The following CYP2C8 variants were observed in gnomAD, a reference collection of about 807,000 sequenced individuals.
The protein encoded by CYP2C8 is cytochrome P450 family 2 subfamily C member 8.
Under a neutral mutation model 41.3 loss-of-function variants are expected in CYP2C8, and 51 were observed. The ratio of observed to expected loss-of-function variants is 1.24; its 90% CI spans 0.99 to 1.56. CYP2C8 has a LOEUF of 1.56. Among genes scored for constraint, CYP2C8 ranks in the 40% most tolerant of loss-of-function variants. The probability of loss-of-function intolerance (pLI) is 0.00; values close to 1 mark genes in which losing one functional copy is unlikely to be tolerated. For synonymous variants in CYP2C8, 218 were observed against 205.8 expected (o/e 1.06, Z -0.51); for missense variants, 651 against 579.9 (o/e 1.12, Z -1.26).
intron 7 of CYP2C8, among the ~76,000 whole-genome samples, chr10:95,039,542 A>G (rs2032955664): frequency 1.3e-5 from 2 of 152,254 alleles, no homozygotes; most frequent in African/African-American, 2.4e-5. Context: ...GCCATGCTAC[A>G]GATTAATTTT....
In CYP2C8 at chr10:95,058,541, C is replaced by T. The variant is rs2033357346; in HGVS notation, c.643-30G>A. ...AAGAGAAAAGAATATTAAATATAAA[C>T]ATGTCATAAGATATATGTATCTTAC... On this transcript the variant is annotated intron_variant, in intron 4 of 8. Coordinates refer to ENST00000371270, the MANE Select transcript of CYP2C8 (RefSeq NM_000770.3). The T allele has an allele frequency of 1.9e-6, 3 of 1,559,004 alleles. No homozygotes were observed. The East Asian group carries it at 7.1e-5, about 37-fold the overall frequency.
intron 5 of CYP2C8, among the ~76,000 whole-genome samples, chr10:95,047,010 C>T (rs1007891702): frequency 2.2e-4 from 33 of 152,090 alleles, no homozygotes; most frequent in African/African-American, 7.2e-4. Flanking sequence ...CATTATTTCC[C>T]TTGATGTTAT....
chr10:95,059,971 T>C (rs2033391322), intron 4 of CYP2C8, among the ~76,000 whole-genome samples: 1 of 152,152 alleles, frequency 6.6e-6, no homozygotes, highest in Non-Finnish European at 1.5e-5. Context: ...TGGTATTATT[T>C]CTGAGGGCTC....
At chr10:95,057,002 G>A (rs902325256) in intron 5 of CYP2C8, among the ~76,000 whole-genome samples, 1 of 152,134 alleles carries the variant, frequency 6.6e-6, no homozygotes, top group Non-Finnish European at 1.5e-5. Flanking sequence ...GAGAGTAGAA[G>A]CTCAGGGCAG....
At chr10:95,057,882 A>G (rs1173551068) in intron 5 of CYP2C8, among the ~76,000 whole-genome samples, 1 of 152,116 alleles carries the variant, frequency 6.6e-6, no homozygotes, top group Admixed American at 6.6e-5. Context: ...CAAACTACTC[A>G]TTCCATCTGA....
At chr10:95,040,880 G>C (rs1185244773) in intron 7 of CYP2C8, 1 of 455,758 alleles carries the variant, frequency 2.2e-6, no homozygotes, top group South Asian at 1.6e-5. Flanking sequence ...GGAAGGAAGG[G>C]AAAGCAATAA....
At chr10:95,040,977 G>T (rs2032982459) in intron 7 of CYP2C8, 1 of 456,068 alleles carries the variant, frequency 2.2e-6, no homozygotes, top group Non-Finnish European at 4.4e-6. Flanking sequence ...AGAAAATTTT[G>T]AGGAAGAAAA....
intron 7 of CYP2C8, among the ~76,000 whole-genome samples, chr10:95,041,608 C>T (rs923174701): frequency 6.0e-5 from 9 of 150,348 alleles, no homozygotes; most frequent in Non-Finnish European, 1.0e-4. Flanking sequence ...GGTGAAACCC[C>T]GTCTCTACTA....
intron 5 of CYP2C8, among the ~76,000 whole-genome samples, chr10:95,056,426 T>TCTC (rs1290649933): frequency 6.6e-6 from 1 of 152,124 alleles, no homozygotes; most frequent in Non-Finnish European, 1.5e-5. Context: ...GAAAATATAT[T>TCTC]CATGAAGTAA....
chr10:95,058,547 A>G, intron 4 of CYP2C8, 36 bp from the exon 5 acceptor site: 1 of 1,527,534 alleles, frequency 6.5e-7, no homozygotes, highest in Non-Finnish European at 9.0e-7. Flanking sequence ...TAAACATGTC[A>G]TAAGATATAT....
intron 5 of CYP2C8, among the ~76,000 whole-genome samples, chr10:95,055,927 C>CA (rs1039222100): frequency 6.6e-5 from 10 of 151,486 alleles, no homozygotes; most frequent in South Asian, 4.2e-4. Context: ...CAAGTTTGTA[C>CA]AAAAAAAATA....
chr10:95,062,647 G>A lies in CYP2C8; in HGVS notation c.642+2153C>T, dbSNP rs536516155. On this transcript the variant is annotated intron_variant, in intron 4 of 8. Transcript: ENST00000371270. The stretch of plus-strand genomic sequence containing the variant: ...AGCGTTTAACCCATTTACATTTAAG[G>A]TTAATATTGTTATGCTTGAATTTGA... Among the ~76,000 whole-genome samples the A allele has an allele frequency of 2.0e-5, 3 of 152,230 alleles. No homozygotes were observed. In the East Asian group the frequency reaches 5.8e-4, roughly 29 times the overall value.
rs1358811552 is a variant in CYP2C8, at chr10:95,037,176, C to T, written c.1425G>A (p.Gly475=). ...KNLNTTAVTK[G]IVSLPPSYQI... ...GGTATGAGGGTGGCAGAGAAACAATCCCTTTGGTAACTGCAGTAGTATTGA... is the reference window on the plus strand; with the variant it reads ...GGTATGAGGGTGGCAGAGAAACAATTCCTTTGGTAACTGCAGTAGTATTGA... Residue 475 remains glycine (G), a synonymous_variant, in exon 9 of 9, where the codon GGG becomes GGA. Transcript: ENST00000371270. 1 of 1,613,950 alleles carries T rather than the reference C, an allele frequency of 6.2e-7. No individual in the cohort carries two copies. The highest frequency in any genetic ancestry group is 2.2e-5 in the East Asian group (1 of 44,880).
At chr10:95,067,450 C>T (rs756393909) in intron 2 of CYP2C8, 79 bp downstream of exon 2, 2 of 1,613,404 alleles carry the variant, frequency 1.2e-6, no homozygotes, top group Non-Finnish European at 1.7e-6. Flanking sequence ...CTAAGCTCTG[C>T]TGAGAAGCTT....
intron 7 of CYP2C8, chr10:95,041,087 T>G: frequency 2.4e-6 from 1 of 415,008 alleles, no homozygotes. Context: ...TAGTGAGGGA[T>G]GTGAGGCCAG....
chr10:95,040,952 A>T (rs751239665), intron 7 of CYP2C8: 1 of 456,304 alleles, frequency 2.2e-6, no homozygotes, highest in South Asian at 1.5e-5. Flanking sequence ...TTATCTTGTT[A>T]TCAAAGCTCT....
chr10:95,063,572 C>A (rs536777119), intron 4 of CYP2C8, among the ~76,000 whole-genome samples: 3 of 152,122 alleles, frequency 2.0e-5, no homozygotes, highest in Admixed American at 6.5e-5. Flanking sequence ...AACTTCTTTG[C>A]GATGGGTTTG....
At position 95,036,994 on chromosome 10, in the gene CYP2C8, T is replaced by C. The variant is rs2134403250; in HGVS notation, c.*134A>G. On this transcript the variant is annotated 3_prime_UTR_variant, in exon 9 of 9. Coordinates refer to ENST00000371270, the MANE Select transcript of CYP2C8 (RefSeq NM_000770.3). The stretch of plus-strand genomic sequence containing the variant: ...CCTGAACAACTCTCCTTAATGGAGT[T>C]TGGATGCTTATGGGATATTGAGTGA... The C allele has an allele frequency of 1.2e-6, 1 of 820,844 alleles. No homozygotes were observed. Among genetic ancestry groups the C allele is most frequent in the South Asian group, 1.4e-5 (1 of 69,276 alleles). 50.8% of individuals were successfully genotyped at this position (820,844 alleles called of 1,614,324 possible). A position where few individuals can be genotyped will look rare whatever the true frequency, so the allele number is the denominator to read the frequency against.
chr10:95,054,398 G>T (rs781491169), intron 5 of CYP2C8, among the ~76,000 whole-genome samples: 2 of 151,668 alleles, frequency 1.3e-5, no homozygotes, highest in African/African-American at 2.4e-5. Context: ...ATGAATAGAA[G>T]GGAAATTTCT....
Sources: gnomAD v4.1 joint callset for allele counts (sites outside exome capture counted in the v4.1 genomes callset) on GRCh38, gnomAD v4.1.1 for gene constraint, MANE v1.5 for transcripts, NCBI Gene and HGNC (gene_info 2026-07-23, HGNC 2026-07-21) for gene names.